THEMIS2: variants seen among roughly 807,000 people sequenced by gnomAD.
THEMIS2 encodes thymocyte selection associated family member 2.
Under a neutral mutation model 46.8 loss-of-function variants are expected in THEMIS2, and 29 were observed. The ratio of observed to expected loss-of-function variants is 0.62; its 90% CI spans 0.46 to 0.84. THEMIS2 has a LOEUF of 0.84. Among genes scored for constraint, THEMIS2 ranks in the 40% least tolerant of loss-of-function variants. The pLI is 0.00. For synonymous variants in THEMIS2, 335 were observed against 349.1 expected, an observed-to-expected ratio of 0.96 and a Z score of 0.45; for missense variants, 698 against 834.7, an observed-to-expected ratio of 0.84 and a Z score of 2.02.
chr1:27,872,725 C>A lies in THEMIS2; in HGVS notation c.94+60C>A. The A allele has an allele frequency of 1.6e-6, 2 of 1,217,642 alleles. No homozygotes were observed. The highest frequency in any genetic ancestry group is 2.1e-6 in the Non-Finnish European group (2 of 963,648). The allele number at this position is 1,217,642 out of a possible 1,614,324, so 75.4% of individuals were successfully genotyped here. A position where few individuals can be genotyped will look rare whatever the true frequency, so the allele number is the denominator to read the frequency against. On this transcript the variant is annotated intron_variant, in intron 1 of 5. Transcript: ENST00000373921. The surrounding 1 kb of genome is among the most constrained non-coding windows in gnomAD (Gnocchi z 4.9). ...TTGGTGTGGGGCGGGGGCAGAGACCCGGAGAAGACGTTAGCAATCCGGGGA... is the reference window on the plus strand; with the variant it reads ...TTGGTGTGGGGCGGGGGCAGAGACCAGGAGAAGACGTTAGCAATCCGGGGA...
chr1:27,882,425 C>T lies in THEMIS2; in HGVS notation c.1101C>T (p.Ser367=). ...GEREENPEFT[S]LAVGDRLEVL... ...GGGAGGAGAATCCCGAGTTCACGTC[C>T]CTGGCTGTGGGTGACCGGCTGGAGG... Residue 367 remains serine (S), a synonymous_variant, in exon 4 of 6, where the codon TCC becomes TCT. Coordinates refer to ENST00000373921, the MANE Select transcript of THEMIS2 (RefSeq NM_001105556.3). This position sits in a 1 kb window ranked among gnomAD's most constrained non-coding sequence, Gnocchi z 7.6. 1 of 1,612,170 alleles carries T rather than the reference C, an allele frequency of 6.2e-7. No homozygotes were observed. Among genetic ancestry groups the T allele is most frequent in the Non-Finnish European group, 8.5e-7 (1 of 1,178,616 alleles).
chr1:27,882,976 C>T lies in THEMIS2; in HGVS notation c.1652C>T (p.Pro551Leu), dbSNP rs770915722. Reference protein sequence around the residue: ...KLPACEIQAPPPRPPKNQGLS... With the variant: ...KLPACEIQAPLPRPPKNQGLS... ...CCAGCCTGTGAGATCCAAGCCCCCC[C>T]ACCCAGGCCCCCTAAAAATCAGGGC... is the stretch of plus-strand genomic sequence containing the variant. Residue 551 changes from proline (P) to leucine (L), a missense_variant, in exon 4 of 6, where the codon CCA becomes CTA. Transcript: ENST00000373921. The surrounding 1 kb of genome is among the most constrained non-coding windows in gnomAD (Gnocchi z 7.6). The T allele has an allele frequency of 4.3e-6, 7 of 1,613,828 alleles. No individual in the cohort carries two copies. The highest frequency in any genetic ancestry group is 5.1e-6 in the Non-Finnish European group (6 of 1,179,962).
intron 2 of THEMIS2, among the ~76,000 whole-genome samples, 176 bp downstream of exon 2, chr1:27,876,904 A>C (rs1278739320): frequency 6.6e-6 from 1 of 152,172 alleles, no homozygotes; most frequent in East Asian, 1.9e-4. Context: ...GAGGGTCGGC[A>C]ATGCCCTGGA....
intron 1 of THEMIS2, among the ~76,000 whole-genome samples, chr1:27,873,931 A>G (rs530885763): frequency 1.3e-5 from 2 of 151,630 alleles, no homozygotes; most frequent in South Asian, 4.2e-4. Context: ...ACAGATGGCC[A>G]TGCCAATAGG....
Position 27,879,701 on chromosome 1 carries a change from C to T in THEMIS2, c.293C>T (p.Ser98Phe). Residue 98 changes from serine (S) to phenylalanine (F), a missense_variant, in exon 3 of 6, where the codon TCT becomes TTT. Physicochemically the swap from Ser to Phe is radical, Grantham distance 155 (BLOSUM62 -2). Transcript: ENST00000373921. ...QSYETLEELV[S>F]ATTQSSKQLP... is the part of the protein sequence containing the mutation. ...TATGAAACCCTGGAGGAGCTGGTCT[C>T]TGCCACAACTCAGAGCTCCAAGCAG... The T allele has an allele frequency of 1.2e-6, 2 of 1,613,882 alleles. No homozygotes were observed. Among genetic ancestry groups the T allele is most frequent in the Non-Finnish European group, 8.5e-7 (1 of 1,179,904 alleles).
At chr1:27,877,852 C>T (rs2089608744) in intron 2 of THEMIS2, among the ~76,000 whole-genome samples, 1 of 152,012 alleles carries the variant, frequency 6.6e-6, no homozygotes, top group East Asian at 1.9e-4. Context: ...TAGAAGGGGG[C>T]CTGGGACAGG....
Position 27,882,093 on chromosome 1 carries a change from G to C in THEMIS2, c.769G>C (p.Gly257Arg). 1 of 1,614,240 alleles carries C rather than the reference G, an allele frequency of 6.2e-7. No homozygotes were observed. The highest frequency in any genetic ancestry group is 8.5e-7 in the Non-Finnish European group (1 of 1,180,038). Residue 257 changes from glycine to arginine, a missense_variant, in exon 4 of 6, where the codon GGC (glycine) becomes CGC (arginine). By Grantham distance (125) the Gly-to-Arg change is moderately radical (BLOSUM62 -2). Transcript: ENST00000373921. The surrounding 1 kb of genome is among the most constrained non-coding windows in gnomAD (Gnocchi z 7.6). Reference sequence around the variant, plus strand: ...GCTGAGCGAGGTCCTGGCCTGGGAAGGCCCTTTCCCCCTGTCCATGGAGAT... The same window carrying C: ...GCTGAGCGAGGTCCTGGCCTGGGAACGCCCTTTCCCCCTGTCCATGGAGAT... Reference protein sequence around the residue: ...LLLSEVLAWEGPFPLSMEILE... With the variant: ...LLLSEVLAWERPFPLSMEILE...
At chr1:27,874,033 G>GTTTTTTGTTTTT (rs1553123142) in intron 1 of THEMIS2, among the ~76,000 whole-genome samples, 1 of 97,164 alleles carries the variant, frequency 1.0e-5, no homozygotes, top group African/African-American at 5.2e-5. Flanking sequence ...TTCAACCTAG[G>GTTTTTTGTTTTT]TTTTTTTTTT....
rs747770523 is a variant in THEMIS2, at chr1:27,885,471, G to C, written c.1876+20G>C. On this transcript the variant is annotated intron_variant, in intron 5 of 5. Coordinates refer to ENST00000373921, the MANE Select transcript of THEMIS2 (RefSeq NM_001105556.3). ...ATCTAGGTGAGTCCCTGTGGGCGCT[G>C]CTCACCCTTGTCCTTGTGTCTCCCC... 6.2e-7 allele frequency: 1 copy of C among 1,610,198 alleles called. No individual in the cohort carries two copies. The highest frequency in any genetic ancestry group is 8.5e-7 in the Non-Finnish European group (1 of 1,178,992).
chr1:27,880,149 C>A, intron 3 of THEMIS2, 95 bp downstream of exon 3: 2 of 1,365,558 alleles, frequency 1.5e-6, no homozygotes, highest in Non-Finnish European at 2.0e-6. Flanking sequence ...CCACCCCATC[C>A]CTGAGGATCA....
intron 1 of THEMIS2, among the ~76,000 whole-genome samples, chr1:27,875,298 A>T (rs1271495789): frequency 6.6e-5 from 10 of 152,118 alleles, no homozygotes; most frequent in Non-Finnish European, 1.5e-4. Flanking sequence ...ATTATTTAGG[A>T]AATTGAAACT....
chr1:27,879,481 C>G (rs955922526), intron 2 of THEMIS2, among the ~76,000 whole-genome samples, 163 bp from the exon 3 acceptor site: 3 of 152,126 alleles, frequency 2.0e-5, no homozygotes, highest in Non-Finnish European at 2.9e-5. Context: ...TGTCCCTCAG[C>G]CCTGCAGCCC....
In THEMIS2 at chr1:27,882,433, TG is replaced by T; in HGVS notation, c.1112del (p.Gly371ValfsTer28). The T allele has an allele frequency of 1.2e-6, 2 of 1,612,318 alleles. No homozygotes were observed. Among genetic ancestry groups the T allele is most frequent in the East Asian group, 2.2e-5 (1 of 44,802 alleles). On this transcript the variant is annotated frameshift_variant, in exon 4 of 6. Coordinates refer to ENST00000373921, the MANE Select transcript of THEMIS2 (RefSeq NM_001105556.3). LOFTEE classifies it high-confidence loss of function. The surrounding 1 kb of genome is among the most constrained non-coding windows in gnomAD (Gnocchi z 7.6). ...EENPEFTSLAVGDRLEVLGPG... is the reference protein window; with the variant it reads ...EENPEFTSLAXGDRLEVLGPG... ...AATCCCGAGTTCACGTCCCTGGCTG[TG>T]GGTGACCGGCTGGAGGTGCTGGGGC... is the stretch of plus-strand genomic sequence containing the variant.
chr1:27,883,143 T>C, intron 4 of THEMIS2, 100 bp downstream of exon 4: 3 of 1,065,012 alleles, frequency 2.8e-6, no homozygotes, highest in Non-Finnish European at 4.0e-6. Context: ...CTGTGTAAAC[T>C]TGTAGTTTAT....
Position 27,886,599 on chromosome 1 carries a change from C to T in THEMIS2, c.*677C>T, listed in dbSNP as rs924885985. On this transcript the variant is annotated 3_prime_UTR_variant, in exon 6 of 6. Coordinates refer to ENST00000373921, the MANE Select transcript of THEMIS2 (RefSeq NM_001105556.3). ...GTAGGTTTCATCAGGTGGTTAAAGT[C>T]GTCAAAGTTGTAAGTGACTAACCAA... 1.8e-4 allele frequency: 27 copies of T among 152,140 alleles called. No individual in the cohort carries two copies. The highest frequency in any genetic ancestry group is 6.5e-4 in the African/African-American group (27 of 41,412). The allele number at this position is 152,140 out of a possible 1,614,324, so 9.4% of individuals were successfully genotyped here.
chr1:27,885,825 G>A, intron 5 of THEMIS2, 42 bp from the exon 6 acceptor site: 1 of 1,601,796 alleles, frequency 6.2e-7, no homozygotes, highest in East Asian at 2.2e-5. Flanking sequence ...GAAGGAACTT[G>A]CCTAACGCTA....
At chr1:27,874,331 G>A (rs2089541180) in intron 1 of THEMIS2, among the ~76,000 whole-genome samples, 1 of 151,274 alleles carries the variant, frequency 6.6e-6, no homozygotes, top group African/African-American at 2.4e-5. Context: ...CACCACACCA[G>A]GCCCTGTTTT....
chr1:27,880,309 C>T (rs772392707), intron 3 of THEMIS2, among the ~76,000 whole-genome samples: 2 of 152,126 alleles, frequency 1.3e-5, no homozygotes, highest in African/African-American at 4.8e-5. Flanking sequence ...CTCAGCCTCC[C>T]GAGTAGCTGG....
In THEMIS2 at chr1:27,872,757, C is replaced by T; in HGVS notation, c.94+92C>T. The T allele has an allele frequency of 9.3e-7, 1 of 1,077,500 alleles. No homozygotes were observed. The highest frequency in any genetic ancestry group is 1.2e-6 in the Non-Finnish European group (1 of 836,752). The allele number at this position is 1,077,500 out of a possible 1,614,324, so 66.7% of individuals were successfully genotyped here. ...GACGTTAGCAATCCGGGGAAACTGC[C>T]CCTGGGTTCAAATCCCGACACTGCC... On this transcript the variant is annotated intron_variant, in intron 1 of 5. Transcript: ENST00000373921. This position sits in a 1 kb window ranked among gnomAD's most constrained non-coding sequence, Gnocchi z 4.9.
Sources: allele counts gnomAD v4.1 joint callset (sites outside exome capture counted in the v4.1 genomes callset), GRCh38; gene constraint gnomAD v4.1.1; non-coding constraint Gnocchi (gnomAD v3.1); transcripts MANE v1.5; gene names NCBI Gene and HGNC (gene_info 2026-07-23, HGNC 2026-07-21).